The following DNAH12 variants were observed in gnomAD, a reference collection of about 807,000 sequenced individuals.
DNAH12 encodes axonemal beta dynein heavy chain 12.
DNAH12 carries 285 observed loss-of-function variants against 371.5 expected under a neutral mutation model. The ratio of observed to expected loss-of-function variants is 0.77; its 90% CI spans 0.70 to 0.85. DNAH12 has a LOEUF of 0.85. Ranked by LOEUF, DNAH12 falls within the 40% of genes least tolerant of loss-of-function variation. The pLI is 0.00. For missense variants in DNAH12, 3,611 were observed against 3,689.4 expected (o/e 0.98, Z 0.55); for synonymous variants, 1,200 against 1,213.0 (o/e 0.99, Z 0.22).
chr3:57,522,223 C>CA (rs200005371), intron 4 of DNAH12, among the ~76,000 whole-genome samples: 39 of 147,446 alleles, frequency 2.6e-4, no homozygotes, highest in African/African-American at 8.4e-4. Context: ...GACTCCATTT[C>CA]AAAAAAAAAA....
At chr3:57,448,381 G>A (rs988918331) in intron 25 of DNAH12, among the ~76,000 whole-genome samples, 4 of 151,894 alleles carry the variant, frequency 2.6e-5, no homozygotes, top group East Asian at 1.9e-4. Context: ...TGCTCTCACT[G>A]GCTTCAGGAG....
intron 12 of DNAH12, among the ~76,000 whole-genome samples, chr3:57,485,959 C>T (rs1028142778): frequency 9.9e-5 from 15 of 151,968 alleles, no homozygotes; most frequent in African/African-American, 3.6e-4. Context: ...GTGGCTCATG[C>T]CTGTAATCTC....
intron 62 of DNAH12, among the ~76,000 whole-genome samples, chr3:57,326,219 A>G (rs1349649386): frequency 1.3e-5 from 2 of 151,860 alleles, no homozygotes; most frequent in Non-Finnish European, 2.9e-5. Flanking sequence ...TGCCACAAAG[A>G]TACTCCTCGA....
At chr3:57,505,661 G>A (rs149912512) in intron 8 of DNAH12, among the ~76,000 whole-genome samples, 1,537 of 151,982 alleles carry the variant, frequency 0.01, 29 homozygotes, top group African/African-American at 0.034. Flanking sequence ...GGCTGGTCTC[G>A]AACTCCTGAC....
At chr3:57,423,294 T>C (rs1313253393) in intron 35 of DNAH12, among the ~76,000 whole-genome samples, 1 of 152,192 alleles carries the variant, frequency 6.6e-6, no homozygotes, top group African/African-American at 2.4e-5. Flanking sequence ...GTTATATAGG[T>C]AAACTATTCC....
At chr3:57,338,838 G>A (rs2062312424) in intron 60 of DNAH12, among the ~76,000 whole-genome samples, 1 of 152,240 alleles carries the variant, frequency 6.6e-6, no homozygotes, top group South Asian at 2.1e-4. Flanking sequence ...TTCCAAGTGT[G>A]AAGTGACAGC....
chr3:57,538,220 G>C (rs1340130572), intron 2 of DNAH12, among the ~76,000 whole-genome samples: 1 of 127,246 alleles, frequency 7.9e-6, no homozygotes, highest in Non-Finnish European at 1.8e-5. Flanking sequence ...TCTTTTAAAT[G>C]AACCTAACAT....
rs1037411218 is a variant in DNAH12, at chr3:57,405,094, G to A, written c.6630C>T (p.Asp2210=). 6.0e-5 allele frequency: 93 copies of A among 1,544,348 alleles called. No homozygotes were observed. The African/African-American group carries it at 1.1e-3, about 19-fold the overall frequency. ...NLMFGDYMNP[D]LEGDDRVYIE... ...TATAAACTCTATCATCTCCTTCAAG[G>A]TCAGGATTCATATAATCACCAAACA... Residue 2210 remains aspartate, a synonymous_variant, in exon 42 of 74, where the codon GAC becomes GAT. Transcript: ENST00000495027.
At chr3:57,443,415 T>C (rs1360172688) in intron 29 of DNAH12, among the ~76,000 whole-genome samples, 2 of 152,162 alleles carry the variant, frequency 1.3e-5, no homozygotes, top group African/African-American at 4.8e-5. Context: ...TGGCTTGTAA[T>C]TAATTTTAAA....
At chr3:57,299,942 G>T (rs2061312339) in intron 70 of DNAH12, among the ~76,000 whole-genome samples, 1 of 152,174 alleles carries the variant, frequency 6.6e-6, no homozygotes, top group Non-Finnish European at 1.5e-5. Flanking sequence ...TGAGGAAAGG[G>T]CCCCACGTGG....
intron 10 of DNAH12, among the ~76,000 whole-genome samples, chr3:57,501,718 C>G (rs1006636384): frequency 6.6e-6 from 1 of 152,180 alleles, no homozygotes; most frequent in African/African-American, 2.4e-5. Context: ...ACATCCTGAC[C>G]TCACACACAC....
Position 57,439,208 on chromosome 3 carries a change from C to G in DNAH12, c.4546-2148G>C, listed in dbSNP as rs185042160. ...TTCACAGAACTAGAAAAAAATTATT[C>G]TAAAATTCAGATGGAACCAAAAAGG... On this transcript the variant is annotated intron_variant, in intron 29 of 73. Transcript: ENST00000495027. Among the ~76,000 whole-genome samples, 20 of 152,184 alleles carry G rather than the reference C, an allele frequency of 1.3e-4. No homozygotes were observed. The East Asian group carries it at 3.5e-3, about 26-fold the overall frequency.
intron 43 of DNAH12, chr3:57,402,456 A>G: frequency 7.7e-7 from 1 of 1,302,206 alleles, no homozygotes; most frequent in Non-Finnish European, 1.0e-6. Flanking sequence ...GATTACTACT[A>G]AGACAACATT....
chr3:57,433,174 C>CAA (rs11395980), intron 32 of DNAH12, among the ~76,000 whole-genome samples, 193 bp downstream of exon 32: 6,014 of 142,416 alleles, frequency 0.042, 357 homozygotes, highest in African/African-American at 0.14. Context: ...TTTCATTCTA[C>CAA]AAAAAAAAAA....
intron 17 of DNAH12, among the ~76,000 whole-genome samples, chr3:57,464,254 A>T (rs769570875): frequency 1.3e-5 from 2 of 152,034 alleles, no homozygotes; most frequent in African/African-American, 4.8e-5. Flanking sequence ...CAGCCCTGGA[A>T]ATGTTACTCT....
the DNAH12 span, among the ~76,000 whole-genome samples, chr3:57,550,742 C>T: frequency 2.2e-3 from 327 of 151,986 alleles, 1 homozygote; most frequent in Non-Finnish European, 3.4e-3. Context: ...AGGCTAGTCT[C>T]AGAGTCCTGA....
At chr3:57,463,880 G>A (rs1430476363) in intron 17 of DNAH12, among the ~76,000 whole-genome samples, 2 of 151,914 alleles carry the variant, frequency 1.3e-5, no homozygotes, top group Admixed American at 1.3e-4. Context: ...AGATTCTCCT[G>A]CCTCAGCCTC....
At chr3:57,361,209 T>C (rs36158772) in intron 58 of DNAH12, among the ~76,000 whole-genome samples, 116,847 of 150,744 alleles carry the variant, frequency 0.78, 45,921 homozygotes, top group African/African-American at 0.88. Flanking sequence ...AAAATTGGCC[T>C]GGCATGGTGG....
At chr3:57,435,985 T>G (rs1355053103) in intron 30 of DNAH12, among the ~76,000 whole-genome samples, 1 of 151,584 alleles carries the variant, frequency 6.6e-6, no homozygotes, top group African/African-American at 2.4e-5. Context: ...ATTTCTCAAC[T>G]CTCCCAAGAA....
Sources: allele counts gnomAD v4.1 joint callset (sites outside exome capture counted in the v4.1 genomes callset), GRCh38; gene constraint gnomAD v4.1.1; transcripts MANE v1.5; gene names NCBI Gene and HGNC (gene_info 2026-07-23, HGNC 2026-07-21).